Variants in ERICH3 observed in about 807,000 individuals in gnomAD.
ERICH3 encodes the protein glutamate-rich protein 3.
A neutral mutation model predicts 131.1 loss-of-function variants in ERICH3; 126 were observed. The observed-to-expected ratio is 0.96, with a 90% CI of 0.83 to 1.11. The LOEUF (loss-of-function observed/expected upper bound fraction) is 1.11, where lower values mean the gene tolerates loss of function less well. ERICH3 is among the 50% of genes most tolerant of loss of function. The pLI is 0.00. For missense variants in ERICH3, 2,050 were observed against 1,810.7 expected, an observed-to-expected ratio of 1.13 and a Z score of -2.40; for synonymous variants, 695 against 644.6, an observed-to-expected ratio of 1.08 and a Z score of -1.18.
chr1:74,661,187 A>C (rs1646638393), intron 1 of ERICH3, among the ~76,000 whole-genome samples: 1 of 152,158 alleles, frequency 6.6e-6, no homozygotes. Context: ...CATCTGGGCA[A>C]AGGTTAAAGA....
rs748283860 is a variant in ERICH3 at position 74,572,532 on chromosome 1, G to A, written c.3178C>T (p.Arg1060Ter). The change falls in exon 14 of 15, where the codon CGA becomes TGA. Residue 1060 changes from arginine (R) to a stop codon, truncating the protein, a stop_gained. Transcript: ENST00000326665. LOFTEE classifies it high-confidence loss of function. ...LPKELDLARE[R>*]RKAERPKTSL... ...GTTTTTGGCCTCTCAGCTTTCCTTC[G>A]CTCTCTTGCTAAATCTAATTCCTTG... The A allele has an allele frequency of 8.7e-6, 14 of 1,613,690 alleles. No homozygotes were observed. The highest frequency in any genetic ancestry group is 4.4e-5 in the South Asian group (4 of 91,054).
rs1648248097 is a variant in ERICH3, at chr1:74,603,629, G to A, written c.1489+2972C>T. 2.0e-5 allele frequency among the ~76,000 whole-genome samples: 3 copies of A among 151,698 alleles called. No homozygotes were observed. In the South Asian group the frequency reaches 6.2e-4, roughly 32 times the overall value. On this transcript the variant is annotated intron_variant, in intron 10 of 14. Coordinates refer to ENST00000326665, the MANE Select transcript of ERICH3 (RefSeq NM_001002912.5). ...CAGGTATACCTCAGGGATATTGCAG[G>A]TTCAGTTCCAGGCCATTGCAATAAA...
At chr1:74,626,365 A>T (rs1221530006) in intron 7 of ERICH3, among the ~76,000 whole-genome samples, 5 of 152,164 alleles carry the variant, frequency 3.3e-5, no homozygotes, top group African/African-American at 1.2e-4. Flanking sequence ...AGGACCTATC[A>T]ATTGGGCATC....
chr1:74,659,703 C>A (rs924148127), intron 1 of ERICH3, among the ~76,000 whole-genome samples: 2 of 152,122 alleles, frequency 1.3e-5, no homozygotes, highest in Non-Finnish European at 2.9e-5. Flanking sequence ...TGCAAAACAT[C>A]CTATGTATCA....
intron 13 of ERICH3, among the ~76,000 whole-genome samples, chr1:74,575,877 G>C (rs1647043968): frequency 6.6e-6 from 1 of 152,196 alleles, no homozygotes; most frequent in Non-Finnish European, 1.5e-5. Flanking sequence ...AAGCAAGGGA[G>C]AAAGAGTAAT....
At chr1:74,621,706 G>A (rs1195702118) in intron 7 of ERICH3, 1 of 152,084 alleles carries the variant, frequency 6.6e-6, no homozygotes, top group African/African-American at 2.4e-5. Flanking sequence ...AATGTCCTAG[G>A]CATTGACTCC....
intron 1 of ERICH3, among the ~76,000 whole-genome samples, chr1:74,658,933 A>G (rs957545045): frequency 5.3e-5 from 8 of 152,222 alleles, no homozygotes; most frequent in Non-Finnish European, 1.2e-4. Context: ...GCAAGTAAAG[A>G]GCTTAGCGCA....
chr1:74,569,644 A>G lies in ERICH3; in HGVS notation c.*814T>C, dbSNP rs1646913267. ...ATGCTGATGTGCTATGCTTACCACT[A>G]TAATTATTATACTTATTCCACTTAG... On this transcript the variant is annotated 3_prime_UTR_variant, in exon 15 of 15. Transcript: ENST00000326665. The G allele has an allele frequency of 1.3e-5, 2 of 152,186 alleles. No homozygotes were observed. Among genetic ancestry groups the G allele is most frequent in the African/African-American group, 4.8e-5 (2 of 41,446 alleles). 9.4% of individuals were successfully genotyped at this position (152,186 alleles called of 1,614,324 possible).
In ERICH3 at chr1:74,571,655, G is replaced by A; in HGVS notation, c.4055C>T (p.Thr1352Ile). 2 of 1,614,146 alleles carry A rather than the reference G, an allele frequency of 1.2e-6. No individual in the cohort carries two copies. The highest frequency in any genetic ancestry group is 8.5e-7 in the Non-Finnish European group (1 of 1,180,026). ...CAACACCTCCCTCTCCTCTGCGGCT[G>A]TTTCTGCCGTTTCACCACCTCCGTG... ...VLHGGGETAETAAEEREVLAG... is the reference protein window; with the variant it reads ...VLHGGGETAEIAAEEREVLAG... The change falls in exon 14 of 15, where the codon ACA (threonine) becomes ATA (isoleucine). Residue 1352 changes from threonine to isoleucine, a missense_variant. By Grantham distance (89) the Thr-to-Ile change is moderately conservative. Coordinates refer to ENST00000326665, the MANE Select transcript of ERICH3 (RefSeq NM_001002912.5).
intron 13 of ERICH3, among the ~76,000 whole-genome samples, chr1:74,573,916 G>A (rs1450037765): frequency 6.6e-6 from 1 of 150,800 alleles, no homozygotes; most frequent in Admixed American, 6.6e-5. Context: ...ATAATAATAA[G>A]TGGAAAAAAT....
chr1:74,641,181 C>T (rs963886594), intron 5 of ERICH3, 150 bp downstream of exon 5: 1 of 863,888 alleles, frequency 1.2e-6, no homozygotes, highest in East Asian at 3.1e-5. Context: ...TCAGAAGAGA[C>T]AGAGTTGAAC....
chr1:74,575,774 ATGC>A (rs1647041492), intron 13 of ERICH3, among the ~76,000 whole-genome samples: 1 of 152,234 alleles, frequency 6.6e-6, no homozygotes, highest in South Asian at 2.1e-4. Flanking sequence ...GTAATATATT[ATGC>A]CTAAATTCTA....
chr1:74,657,156 A>AT (rs1200961385), intron 1 of ERICH3, among the ~76,000 whole-genome samples: 1 of 152,096 alleles, frequency 6.6e-6, no homozygotes, highest in Non-Finnish European at 1.5e-5. Context: ...TATTTTATGT[A>AT]TTTTGGCTTT....
intron 1 of ERICH3, among the ~76,000 whole-genome samples, chr1:74,658,030 A>T (rs1324715437): frequency 6.6e-6 from 1 of 152,186 alleles, no homozygotes; most frequent in Non-Finnish European, 1.5e-5. Context: ...TGCATAGAGT[A>T]AACACTCTGT....
At chr1:74,593,125 C>A (rs1647685372) in intron 11 of ERICH3, among the ~76,000 whole-genome samples, 1 of 152,090 alleles carries the variant, frequency 6.6e-6, no homozygotes, top group South Asian at 2.1e-4. Context: ...AAGAAAAGAT[C>A]TGCACTCATT....
intron 7 of ERICH3, among the ~76,000 whole-genome samples, chr1:74,630,135 C>T (rs541055399): frequency 7.9e-5 from 12 of 152,146 alleles, no homozygotes; most frequent in East Asian, 1.9e-4. Context: ...TTTTAACATC[C>T]GAAAATCAAA....
chr1:74,619,480 A>G (rs987253260), intron 8 of ERICH3, among the ~76,000 whole-genome samples: 3 of 152,318 alleles, frequency 2.0e-5, no homozygotes, highest in African/African-American at 4.8e-5. Flanking sequence ...CACTATCATT[A>G]GGGGTTTCAT....
chr1:74,578,521 G>A (rs1156454213), intron 12 of ERICH3: 2 of 152,036 alleles, frequency 1.3e-5, no homozygotes, highest in African/African-American at 2.4e-5. Context: ...AATAAAACTA[G>A]ACTTAGATCT....
chr1:74,573,471 C>T lies in ERICH3; in HGVS notation c.2239G>A (p.Val747Met). The T allele has an allele frequency of 6.6e-7, 1 of 1,516,748 alleles. No individual in the cohort carries two copies. The allele number at this position is 1,516,748 out of a possible 1,614,324, so 94.0% of individuals were successfully genotyped here. Residue 747 changes from valine to methionine, a missense_variant, in exon 14 of 15, where the codon GTG (valine) becomes ATG (methionine). Coordinates refer to ENST00000326665, the MANE Select transcript of ERICH3 (RefSeq NM_001002912.5). ...GAGTTGATTGCTGCTGTTTCATCCA[C>T]CATGAAATTCATTGTTGGTGCTATA... Reference protein sequence around the residue: ...ALGAPTMNFMVDETAAINSNK... With the variant: ...ALGAPTMNFMMDETAAINSNK...
Sources: allele counts gnomAD v4.1 joint callset (sites outside exome capture counted in the v4.1 genomes callset), GRCh38; gene constraint gnomAD v4.1.1; transcripts MANE v1.5; gene names NCBI Gene and HGNC (gene_info 2026-07-23, HGNC 2026-07-21).